Variants in TMOD3 observed in about 807,000 individuals in gnomAD.
TMOD3 encodes tropomodulin-3.
Under a neutral mutation model 39.2 loss-of-function variants are expected in TMOD3, and 20 were observed. The observed-to-expected ratio is 0.51, with a 90% CI of 0.36 to 0.74. The LOEUF (loss-of-function observed/expected upper bound fraction) is 0.74, where lower values mean the gene tolerates loss of function less well. Ranked by LOEUF, TMOD3 falls within the 30% of genes least tolerant of loss-of-function variation. TMOD3 has a pLI of 0.00. For missense variants in TMOD3, 381 were observed against 412.8 expected, an observed-to-expected ratio of 0.92 and a Z score of 0.67; for synonymous variants, 143 against 145.8, an observed-to-expected ratio of 0.98 and a Z score of 0.14.
intron 1 of TMOD3, among the ~76,000 whole-genome samples, chr15:51,840,847 G>A (rs1015711127): frequency 4.6e-5 from 7 of 152,104 alleles, no homozygotes; most frequent in African/African-American, 1.4e-4. Context: ...TTGGTTACTT[G>A]GTAGCTTTTC....
chr15:51,900,454 A>G (rs1052175715), intron 8 of TMOD3, among the ~76,000 whole-genome samples, 156 bp downstream of exon 8: 1 of 152,202 alleles, frequency 6.6e-6, no homozygotes, highest in Non-Finnish European at 1.5e-5. Flanking sequence ...TATCTAGAAT[A>G]TTAACTCAGT....
chr15:51,909,074 CTG>C lies in TMOD3; in HGVS notation c.*266_*267del. 1 of 315,342 alleles carries C rather than the reference CTG, an allele frequency of 3.2e-6. No homozygotes were observed. Among genetic ancestry groups the C allele is most frequent in the Non-Finnish European group, 5.7e-6 (1 of 173,934 alleles). 19.5% of individuals were successfully genotyped at this position (315,342 alleles called of 1,614,324 possible). A position where few individuals can be genotyped will look rare whatever the true frequency, so the allele number is the denominator to read the frequency against. The stretch of plus-strand genomic sequence containing the variant: ...ATGAATCTTGGGCAAAAAAATACAA[CTG>C]TAAAAAATTTCACAGGTCATTTGTG... On this transcript the variant is annotated 3_prime_UTR_variant, in exon 10 of 10. Transcript: ENST00000308580.
In TMOD3 at chr15:51,876,776, A is replaced by T. The variant is rs1222551187; in HGVS notation, c.283+7403A>T. On this transcript the variant is annotated intron_variant, in intron 3 of 9. Transcript: ENST00000308580. ...GCACCCGGCCCCAGCGCTTTTTTTAAAAAAAAAAATCTTCCGTCCAGGCAT... is the reference window on the plus strand; with the variant it reads ...GCACCCGGCCCCAGCGCTTTTTTTATAAAAAAAAATCTTCCGTCCAGGCAT... 2.6e-5 allele frequency among the ~76,000 whole-genome samples: 4 copies of T among 151,032 alleles called. No homozygotes were observed. The South Asian group carries it at 6.3e-4, about 24-fold the overall frequency.
intron 3 of TMOD3, among the ~76,000 whole-genome samples, chr15:51,874,709 T>G (rs965064715): frequency 3.3e-5 from 5 of 152,234 alleles, no homozygotes; most frequent in African/African-American, 7.2e-5. Context: ...TGCTGGGGAC[T>G]CCTCCTCTCT....
At chr15:51,836,690 A>T (rs1343457069) in intron 1 of TMOD3, among the ~76,000 whole-genome samples, 1 of 149,614 alleles carries the variant, frequency 6.7e-6, no homozygotes, top group African/African-American at 2.5e-5. Context: ...ATGTCACTGC[A>T]CTCCAGCCTG....
intron 2 of TMOD3, among the ~76,000 whole-genome samples, chr15:51,867,081 A>G (rs895852603): frequency 6.6e-6 from 1 of 152,120 alleles, no homozygotes; most frequent in African/African-American, 2.4e-5. Flanking sequence ...CAAGTACAAG[A>G]GAGAAAAAAA....
At chr15:51,864,444 A>G (rs1271086566) in intron 2 of TMOD3, among the ~76,000 whole-genome samples, 1 of 152,046 alleles carries the variant, frequency 6.6e-6, no homozygotes. Flanking sequence ...TCCTGTTTTA[A>G]AATGTTCCTA....
intron 1 of TMOD3, among the ~76,000 whole-genome samples, chr15:51,836,827 G>A (rs1425951305): frequency 6.6e-6 from 1 of 151,918 alleles, no homozygotes; most frequent in Non-Finnish European, 1.5e-5. Flanking sequence ...CCACTGCCTC[G>A]GGTATATATG....
intron 3 of TMOD3, among the ~76,000 whole-genome samples, chr15:51,872,037 T>A (rs1381987542): frequency 3.3e-5 from 5 of 152,160 alleles, no homozygotes; most frequent in African/African-American, 7.2e-5. Context: ...AATGCACAGG[T>A]CATCTGTATG....
chr15:51,887,564 A>G, intron 3 of TMOD3, 25 bp from the exon 4 acceptor site: 1 of 1,606,914 alleles, frequency 6.2e-7, no homozygotes, highest in Non-Finnish European at 8.5e-7. Context: ...TAGTAATGGA[A>G]TTAACAAAAT....
At chr15:51,830,374 A>C (rs778219464) in intron 1 of TMOD3, among the ~76,000 whole-genome samples, 5 of 152,334 alleles carry the variant, frequency 3.3e-5, no homozygotes, top group Non-Finnish European at 5.9e-5. Flanking sequence ...CAGGCAGCAC[A>C]GCTGGATCCG....
chr15:51,899,044 C>A (rs956501135), intron 7 of TMOD3: 9 of 152,134 alleles, frequency 5.9e-5, no homozygotes, highest in African/African-American at 2.2e-4. Flanking sequence ...TTTATTAGCC[C>A]CTTCTTCTCA....
intron 1 of TMOD3, among the ~76,000 whole-genome samples, chr15:51,851,709 A>G (rs80188603): frequency 0.037 from 5,587 of 152,328 alleles, 133 homozygotes; most frequent in Non-Finnish European, 0.05. Flanking sequence ...AAGAAATATT[A>G]TTAAATACTA....
chr15:51,889,285 C>T (rs757852293), intron 5 of TMOD3, 140 bp downstream of exon 5: 1 of 591,754 alleles, frequency 1.7e-6, no homozygotes, highest in Non-Finnish European at 3.0e-6. Flanking sequence ...GTGGTATTAA[C>T]CAAGAAAGCC....
chr15:51,842,218 G>C (rs993007701), intron 1 of TMOD3, among the ~76,000 whole-genome samples: 2 of 152,150 alleles, frequency 1.3e-5, no homozygotes, highest in African/African-American at 4.8e-5. Context: ...CTGCTATCTT[G>C]AAACTGCCAA....
rs1016619791 is a variant in TMOD3, at chr15:51,902,145, T to C, written c.1024+109T>C. The C allele has an allele frequency of 4.4e-6, 6 of 1,351,814 alleles. No homozygotes were observed. The African/African-American group carries it at 6.0e-5, about 13-fold the overall frequency. 83.7% of individuals were successfully genotyped at this position (1,351,814 alleles called of 1,614,324 possible). On this transcript the variant is annotated intron_variant, in intron 9 of 9. Transcript: ENST00000308580. ...TCTAACAGAGAAGTTATTTGGCCTTTGTTTCTAAAATCTGCATGGTCCTTT... is the reference window on the plus strand; with the variant it reads ...TCTAACAGAGAAGTTATTTGGCCTTCGTTTCTAAAATCTGCATGGTCCTTT...
chr15:51,908,699 CT>C, intron 9 of TMOD3, 76 bp from the exon 10 acceptor site: 1 of 1,146,062 alleles, frequency 8.7e-7, no homozygotes, highest in Non-Finnish European at 1.2e-6. Flanking sequence ...TATGCAGAAA[CT>C]TGCTTGTTAT....
rs951109409 is a variant in TMOD3, at chr15:51,915,530, T to C, written c.*6720T>C. On this transcript the variant is annotated 3_prime_UTR_variant, in exon 10 of 10. Transcript: ENST00000308580. ...AATGCTAAAATATCCAACATTGTAA[T>C]TGCCCTATTTTTCCATTTTTATAAG... The C allele has an allele frequency of 5.9e-5, 9 of 152,196 alleles. No individual in the cohort carries two copies. Among genetic ancestry groups the C allele is most frequent in the African/African-American group, 2.2e-4 (9 of 41,448 alleles). 9.4% of individuals were successfully genotyped at this position (152,196 alleles called of 1,614,324 possible).
intron 9 of TMOD3, among the ~76,000 whole-genome samples, chr15:51,904,345 C>CGACT (rs1389105750): frequency 2.6e-5 from 4 of 152,114 alleles, no homozygotes; most frequent in Admixed American, 1.3e-4. Context: ...GGGCCATGTC[C>CGACT]GACTATTGAA....
Sources: allele counts gnomAD v4.1 joint callset (sites outside exome capture counted in the v4.1 genomes callset), GRCh38; gene constraint gnomAD v4.1.1; transcripts MANE v1.5; gene names NCBI Gene and HGNC (gene_info 2026-07-23, HGNC 2026-07-21).